The following LOC128462377 variants were observed in gnomAD, a reference collection of about 807,000 sequenced individuals.
the LOC128462377 span, among the ~76,000 whole-genome samples, chr16:89,364,728 G>C: frequency 1.3e-5 from 2 of 152,220 alleles, no homozygotes; most frequent in African/African-American, 2.4e-5. Flanking sequence ...TGGGCCGCGG[G>C]CTGGACAAGC....
the LOC128462377 span, among the ~76,000 whole-genome samples, chr16:89,393,254 A>G: frequency 6.6e-6 from 1 of 152,156 alleles, no homozygotes; most frequent in African/African-American, 2.4e-5. Flanking sequence ...CCTGGGACCA[A>G]GAGAGTCCAC....
the LOC128462377 span, among the ~76,000 whole-genome samples, chr16:89,327,680 GC>G: frequency 4.3e-5 from 6 of 140,462 alleles, no homozygotes; most frequent in Non-Finnish European, 6.1e-5. Flanking sequence ...CTACATGCTA[GC>G]AATAATCAAA....
chr16:89,357,121 T>G, the LOC128462377 span, among the ~76,000 whole-genome samples: 1 of 152,124 alleles, frequency 6.6e-6, no homozygotes, highest in African/African-American at 2.4e-5. Context: ...AGGGACAGTG[T>G]AAGGAAGGTG....
At chr16:89,355,595 A>C in the LOC128462377 span, among the ~76,000 whole-genome samples, 1 of 152,156 alleles carries the variant, frequency 6.6e-6, no homozygotes, top group Non-Finnish European at 1.5e-5. Context: ...CAACCAACTC[A>C]AAAATAGACT....
chr16:89,361,064 A>C, the LOC128462377 span, among the ~76,000 whole-genome samples: 2 of 152,148 alleles, frequency 1.3e-5, no homozygotes, highest in Non-Finnish European at 2.9e-5. Context: ...AGCCCACCCC[A>C]GCCCCTGCTG....
the LOC128462377 span, among the ~76,000 whole-genome samples, chr16:89,326,437 A>C: frequency 1.3e-5 from 2 of 150,312 alleles, no homozygotes; most frequent in Non-Finnish European, 3.0e-5. Flanking sequence ...CCCACTGCTC[A>C]ATCTACCCCC....
At chr16:89,389,589 A>T in the LOC128462377 span, among the ~76,000 whole-genome samples, 2 of 152,228 alleles carry the variant, frequency 1.3e-5, no homozygotes, top group Admixed American at 1.3e-4. Context: ...ACGCTGTGTG[A>T]GACGAAAATC....
At chr16:89,408,372 A>T in the LOC128462377 span, among the ~76,000 whole-genome samples, 2 of 152,264 alleles carry the variant, frequency 1.3e-5, no homozygotes, top group Admixed American at 1.3e-4. Flanking sequence ...TGATGCACAG[A>T]AAGGCCAGCA....
At chr16:89,368,386 T>TG in the LOC128462377 span, among the ~76,000 whole-genome samples, 1 of 129,354 alleles carries the variant, frequency 7.7e-6, no homozygotes. Context: ...TTTTTTTTTT[T>TG]TTTTTTTTTT....
the LOC128462377 span, among the ~76,000 whole-genome samples, chr16:89,386,736 A>G: frequency 2.6e-5 from 4 of 152,176 alleles, no homozygotes; most frequent in Admixed American, 6.5e-5. Context: ...AAAACCATTG[A>G]CTGTTGGATT....
the LOC128462377 span, among the ~76,000 whole-genome samples, chr16:89,350,513 A>G: frequency 6.6e-6 from 1 of 152,190 alleles, no homozygotes; most frequent in Non-Finnish European, 1.5e-5. Flanking sequence ...ACCCAGATCA[A>G]TCTCAAAAGG....
chr16:89,345,051 G>A, the LOC128462377 span, among the ~76,000 whole-genome samples: 2 of 152,136 alleles, frequency 1.3e-5, no homozygotes, highest in Admixed American at 1.3e-4. Flanking sequence ...CTCCAGGGAA[G>A]CCCAGCTCGG....
At chr16:89,324,514 C>T in the LOC128462377 span, 1 of 456,224 alleles carries the variant, frequency 2.2e-6, no homozygotes, top group Non-Finnish European at 4.4e-6. Context: ...CTTGAGGAAG[C>T]TGCCAAAGGA....
At chr16:89,355,539 G>GA in the LOC128462377 span, among the ~76,000 whole-genome samples, 1 of 152,130 alleles carries the variant, frequency 6.6e-6, no homozygotes, top group East Asian at 1.9e-4. Context: ...GCTCTGCTCT[G>GA]AACGCTCTCT....
At chr16:89,393,115 C>A in the LOC128462377 span, among the ~76,000 whole-genome samples, 390 of 152,206 alleles carry the variant, frequency 2.6e-3, 7 homozygotes, top group South Asian at 0.036. Flanking sequence ...TCTTCACCTG[C>A]ATACCTTCTC....
the LOC128462377 span, among the ~76,000 whole-genome samples, chr16:89,351,942 A>T: frequency 6.6e-6 from 1 of 152,052 alleles, no homozygotes; most frequent in South Asian, 2.1e-4. Flanking sequence ...AGACAGTCTC[A>T]CTCTGTCGCC....
At chr16:89,393,970 T>C in the LOC128462377 span, among the ~76,000 whole-genome samples, 3 of 152,296 alleles carry the variant, frequency 2.0e-5, no homozygotes, top group Admixed American at 6.5e-5. Context: ...TAAGTGAAGC[T>C]CAAACCACTA....
the LOC128462377 span, among the ~76,000 whole-genome samples, chr16:89,415,817 T>C: frequency 4.0e-5 from 2 of 49,502 alleles, no homozygotes; most frequent in Admixed American, 2.4e-4. Flanking sequence ...ACAACAAAGC[T>C]AGACTCTGTC....
chr16:89,324,484 G>GTAAC, the LOC128462377 span: 2 of 456,524 alleles, frequency 4.4e-6, no homozygotes, highest in South Asian at 1.5e-5. Flanking sequence ...TAAAGGATGT[G>GTAAC]TAACTGTTCC....
Sources: gnomAD v4.1 joint callset for allele counts (sites outside exome capture counted in the v4.1 genomes callset) on GRCh38, gnomAD v4.1.1 for gene constraint, MANE v1.5 for transcripts.